The following CAGE1 variants were observed in gnomAD, a reference collection of about 807,000 sequenced individuals.
CAGE1 encodes the protein cancer-associated gene 1 protein.
In CAGE1, 66 loss-of-function variants were observed where a neutral mutation model predicts 94.9. The ratio of observed to expected loss-of-function variants is 0.70; its 90% confidence interval spans 0.57 to 0.85. The LOEUF is 0.85. CAGE1 is among the 40% of genes least tolerant of loss of function. The probability of loss-of-function intolerance (pLI) is 0.00; values close to 1 mark genes in which losing one functional copy is unlikely to be tolerated. For synonymous variants in CAGE1, 319 were observed against 321.0 expected, an observed-to-expected ratio of 0.99 and a Z score of 0.07; for missense variants, 865 against 950.4, an observed-to-expected ratio of 0.91 and a Z score of 1.18.
At chr6:7,341,570 T>C in intron 11 of CAGE1, 1 of 1,135,262 alleles carries the variant, frequency 8.8e-7, no homozygotes, top group Non-Finnish European at 1.3e-6. Flanking sequence ...CTCTCAGGCC[T>C]AGCTTTAAGC....
chr6:7,343,716 G>A (rs1759286004), intron 11 of CAGE1, among the ~76,000 whole-genome samples: 1 of 152,192 alleles, frequency 6.6e-6, no homozygotes, highest in African/African-American at 2.4e-5. Context: ...TACAGATTAT[G>A]ATCAGGGATC....
chr6:7,386,012 G>T, intron 2 of CAGE1, 140 bp from the exon 3 acceptor site: 1 of 473,408 alleles, frequency 2.1e-6, no homozygotes. Context: ...TCTTTCCCCA[G>T]CATGTATTTG....
At chr6:7,382,528 C>T (rs1013464779) in intron 3 of CAGE1, among the ~76,000 whole-genome samples, 9 of 150,636 alleles carry the variant, frequency 6.0e-5, no homozygotes, top group Admixed American at 2.0e-4. Context: ...GGTTTGAACT[C>T]CTGACCTCCT....
intron 12 of CAGE1, chr6:7,331,317 A>G (rs1467060968): frequency 1.2e-5 from 12 of 1,012,154 alleles, no homozygotes; most frequent in Non-Finnish European, 1.6e-5. Flanking sequence ...GAAAGCAACC[A>G]TCAAACAAAA....
At chr6:7,340,063 G>A (rs760993364) in intron 11 of CAGE1, among the ~76,000 whole-genome samples, 6 of 152,176 alleles carry the variant, frequency 3.9e-5, no homozygotes, top group East Asian at 1.9e-4. Context: ...CCTTTTTACC[G>A]CATCCTTGAC....
At position 7,373,523 on chromosome 6, in the gene CAGE1, AT is replaced by A; in HGVS notation, c.1295del (p.Asn432IlefsTer4). 6.2e-7 allele frequency: 1 copy of A among 1,613,562 alleles called. No individual in the cohort carries two copies. Among genetic ancestry groups the A allele is most frequent in the Non-Finnish European group, 8.5e-7 (1 of 1,179,774 alleles). On this transcript the variant is annotated frameshift_variant, in exon 5 of 14. Transcript: ENST00000502583. LOFTEE classifies it high-confidence loss of function. Reference sequence around the variant, plus strand: ...TCTCTAAATACTGACTTACAGATTTATTTTTTTGTTGCATTTCAGTCATGTA... The same window carrying A: ...TCTCTAAATACTGACTTACAGATTTATTTTTTGTTGCATTTCAGTCATGTA... ...ERYMTEMQQK[N>X]KSVSQYLEMD...
intron 9 of CAGE1, among the ~76,000 whole-genome samples, chr6:7,360,908 G>C (rs1402022353): frequency 6.6e-6 from 1 of 152,082 alleles, no homozygotes; most frequent in Admixed American, 6.5e-5. Context: ...GATCACGCCA[G>C]TGCACTCCAG....
intron 11 of CAGE1, chr6:7,341,100 C>T: frequency 1.8e-6 from 1 of 542,644 alleles, no homozygotes; most frequent in Non-Finnish European, 3.7e-6. Context: ...TCTCCAATGC[C>T]TTTAGCTTGG....
Position 7,339,506 on chromosome 6 carries a change from C to T in CAGE1, c.2370-5416G>A, listed in dbSNP as rs1759088487. On this transcript the variant is annotated intron_variant, in intron 11 of 13. Coordinates refer to ENST00000502583, the MANE Select transcript of CAGE1 (RefSeq NM_001170692.2). This position sits in a 1 kb window ranked among gnomAD's most constrained non-coding sequence, Gnocchi z 4.7. ...CCAGCTCCTGAGTAAGAAACTCATT[C>T]ATTTCAGCTTAGAAGATGCCATCAG... 1 of 824,368 alleles carries T rather than the reference C, an allele frequency of 1.2e-6. No individual in the cohort carries two copies. Among genetic ancestry groups the T allele is most frequent in the Non-Finnish European group, 2.2e-6 (1 of 459,578 alleles). The allele number at this position is 824,368 out of a possible 1,614,324, so 51.1% of individuals were successfully genotyped here.
intron 11 of CAGE1, among the ~76,000 whole-genome samples, chr6:7,344,608 G>GGCCC (rs1759351953): frequency 6.6e-6 from 1 of 151,974 alleles, no homozygotes; most frequent in Non-Finnish European, 1.5e-5. Context: ...GCGGGCGTAC[G>GGCCC]GCCCGAGACT....
chr6:7,359,198 C>T (rs572275263), intron 9 of CAGE1, among the ~76,000 whole-genome samples: 1 of 152,288 alleles, frequency 6.6e-6, no homozygotes, highest in South Asian at 2.1e-4. Flanking sequence ...AGGCATGTGC[C>T]ACCATGCCCG....
At chr6:7,345,321 A>G (rs191961585) in intron 11 of CAGE1, among the ~76,000 whole-genome samples, 1 of 152,014 alleles carries the variant, frequency 6.6e-6, no homozygotes, top group Non-Finnish European at 1.5e-5. Flanking sequence ...TGAACCAGCG[A>G]GACCACTAAA....
At chr6:7,381,169 T>C (rs1418058712) in intron 3 of CAGE1, among the ~76,000 whole-genome samples, 1 of 152,184 alleles carries the variant, frequency 6.6e-6, no homozygotes, top group African/African-American at 2.4e-5. Context: ...TAACCCCTAG[T>C]ACCTTAAAAC....
rs145649357 is a variant in CAGE1 at position 7,357,362 on chromosome 6, A to G, written c.2194-1233T>C. On this transcript the variant is annotated intron_variant, in intron 9 of 13. Coordinates refer to ENST00000502583, the MANE Select transcript of CAGE1 (RefSeq NM_001170692.2). Reference sequence around the variant, plus strand: ...AAGTAGAAAATGTTAGGCTCTTTTCATCCCATCTCCTCACTACATCCTGGA... The same window carrying G: ...AAGTAGAAAATGTTAGGCTCTTTTCGTCCCATCTCCTCACTACATCCTGGA... Among the ~76,000 whole-genome samples the G allele has an allele frequency of 2.0e-4, 31 of 152,268 alleles. 1 individual carries two copies. The East Asian group carries it at 6.0e-3, about 29-fold the overall frequency.
intron 9 of CAGE1, among the ~76,000 whole-genome samples, chr6:7,358,055 T>TATATATATATATATATATATATATAC (rs1760035204): frequency 8.1e-6 from 1 of 123,844 alleles, no homozygotes; most frequent in Non-Finnish European, 1.7e-5. Flanking sequence ...TATATATATA[T>TATATATATATATATATATATATATAC]ATATATATAT....
intron 7 of CAGE1, among the ~76,000 whole-genome samples, chr6:7,366,585 G>C (rs1760344780): frequency 6.6e-6 from 1 of 152,160 alleles, no homozygotes. Flanking sequence ...TGGGGCACTG[G>C]GTCTCTAAGA....
chr6:7,346,904 A>G (rs1759568730), intron 11 of CAGE1, among the ~76,000 whole-genome samples: 1 of 152,202 alleles, frequency 6.6e-6, no homozygotes, highest in Non-Finnish European at 1.5e-5. Flanking sequence ...AAGCAGCCAC[A>G]GTTGACAATG....
At position 7,329,907 on chromosome 6, in the gene CAGE1, AAAT is replaced by A. The variant is rs1398869092; in HGVS notation, c.2439-22_2439-20del. On this transcript the variant is annotated intron_variant, in intron 12 of 13. Transcript: ENST00000502583. Reference sequence around the variant, plus strand: ...TTTTGATCTGTAAGAAATAGAAAGAAAATAATGTAAAAAGGAGGAAGGGGGGAC... The same window carrying A: ...TTTTGATCTGTAAGAAATAGAAAGAAAATGTAAAAAGGAGGAAGGGGGGAC... The A allele has an allele frequency of 8.0e-7, 1 of 1,251,536 alleles. No individual in the cohort carries two copies. The highest frequency in any genetic ancestry group is 1.5e-5 in the African/African-American group (1 of 67,914). 77.5% of individuals were successfully genotyped at this position (1,251,536 alleles called of 1,614,324 possible).
intron 4 of CAGE1, among the ~76,000 whole-genome samples, chr6:7,376,580 T>G (rs1359852061): frequency 6.6e-6 from 1 of 151,968 alleles, no homozygotes; most frequent in Non-Finnish European, 1.5e-5. Context: ...GCCAGATAAA[T>G]TGTTATTCAT....
Sources: allele counts gnomAD v4.1 joint callset (sites outside exome capture counted in the v4.1 genomes callset), GRCh38; gene constraint gnomAD v4.1.1; non-coding constraint Gnocchi (gnomAD v3.1); transcripts MANE v1.5; gene names NCBI Gene and HGNC (gene_info 2026-07-23, HGNC 2026-07-21).